AP2B1: variants seen among roughly 807,000 people sequenced by gnomAD.
AP2B1 encodes adaptor related protein complex 2 subunit beta 1.
A neutral mutation model predicts 102.0 loss-of-function variants in AP2B1; 23 were observed. That is an observed-to-expected ratio of 0.23 (90% CI 0.16 to 0.32). AP2B1 has a LOEUF of 0.32. AP2B1 is among the 10% of genes least tolerant of loss of function. AP2B1 has a pLI of 1.00. For synonymous variants in AP2B1, 381 were observed against 421.2 expected, an observed-to-expected ratio of 0.90 and a Z score of 1.17; for missense variants, 541 against 1,157.4, an observed-to-expected ratio of 0.47 and a Z score of 7.73.
chr17:35,636,826 T>G (rs1488516086), intron 10 of AP2B1, among the ~76,000 whole-genome samples: 2 of 152,238 alleles, frequency 1.3e-5, no homozygotes, highest in Non-Finnish European at 2.9e-5. Context: ...GCACCTTTTC[T>G]TCTCAGAAAT....
At chr17:35,604,424 T>G (rs1030111195) in intron 3 of AP2B1, among the ~76,000 whole-genome samples, 86 of 152,206 alleles carry the variant, frequency 5.7e-4, no homozygotes, top group African/African-American at 2.0e-3. Flanking sequence ...GTTTTTGTTT[T>G]TGTGTGTTTT....
At chr17:35,659,902 G>A (rs2142894223) in intron 14 of AP2B1, 1 of 985,372 alleles carries the variant, frequency 1.0e-6, no homozygotes, top group Non-Finnish European at 1.2e-6. Flanking sequence ...TTCACTCAGA[G>A]AATCAAGGTT....
At chr17:35,645,031 C>T (rs2142768532) in intron 12 of AP2B1, among the ~76,000 whole-genome samples, 1 of 147,680 alleles carries the variant, frequency 6.8e-6, no homozygotes, top group South Asian at 2.1e-4. Context: ...GACTCTGTCT[C>T]GGAAAAAAAA....
At chr17:35,645,929 A>G (rs2074920977) in intron 12 of AP2B1, among the ~76,000 whole-genome samples, 1 of 152,190 alleles carries the variant, frequency 6.6e-6, no homozygotes, top group Admixed American at 6.5e-5. Context: ...AGAAGTCTTC[A>G]TGTTTTTCTG....
At chr17:35,597,882 T>C (rs1339626134) in intron 2 of AP2B1, among the ~76,000 whole-genome samples, 3 of 152,212 alleles carry the variant, frequency 2.0e-5, no homozygotes, top group Non-Finnish European at 4.4e-5. Context: ...GTTTATGTTC[T>C]CCTCCAGACT....
intron 17 of AP2B1, among the ~76,000 whole-genome samples, chr17:35,676,523 A>T (rs1215792121): frequency 6.6e-6 from 1 of 151,784 alleles, no homozygotes; most frequent in African/African-American, 2.4e-5. Context: ...AAGTTGGGGG[A>T]GTTTGGTTGT....
chr17:35,655,907 A>G (rs2075208017), intron 13 of AP2B1, among the ~76,000 whole-genome samples: 1 of 152,278 alleles, frequency 6.6e-6, no homozygotes, highest in Admixed American at 6.5e-5. Context: ...GCACATTTTC[A>G]TGTTACTGTA....
chr17:35,593,408 G>A (rs1440981959), intron 1 of AP2B1, among the ~76,000 whole-genome samples: 1 of 150,770 alleles, frequency 6.6e-6, no homozygotes, highest in Admixed American at 6.7e-5. Flanking sequence ...AATATCTCAT[G>A]TACCTATACG....
intron 21 of AP2B1, among the ~76,000 whole-genome samples, chr17:35,720,569 ATATAT>A (rs2085345644): frequency 2.0e-5 from 1 of 50,362 alleles, no homozygotes; most frequent in African/African-American, 7.9e-5. Context: ...ATATATATAT[ATATAT>A]TTTTTTTTTT....
chr17:35,609,634 A>G (rs1567801611), intron 5 of AP2B1, among the ~76,000 whole-genome samples: 1 of 152,158 alleles, frequency 6.6e-6, no homozygotes, highest in Non-Finnish European at 1.5e-5. Flanking sequence ...TGTGTGAGCC[A>G]CCGCACCCAG....
chr17:35,661,054 A>G (rs560696612), intron 14 of AP2B1, among the ~76,000 whole-genome samples: 1 of 152,296 alleles, frequency 6.6e-6, no homozygotes, highest in East Asian at 1.9e-4. Context: ...CCAGGCCACT[A>G]GACTGTTGGT....
chr17:35,637,278 G>A (rs1259181813), intron 10 of AP2B1, among the ~76,000 whole-genome samples: 3 of 152,190 alleles, frequency 2.0e-5, no homozygotes, highest in Admixed American at 1.3e-4. Context: ...TCCGCCTCCC[G>A]GGTTCAAGTG....
intron 3 of AP2B1, 120 bp from the exon 4 acceptor site, chr17:35,605,585 A>G (rs1030181190): frequency 1.3e-6 from 1 of 749,254 alleles, no homozygotes; most frequent in Non-Finnish European, 2.2e-6. Flanking sequence ...GACAGTTACC[A>G]CTGTGGGGAC....
intron 14 of AP2B1, among the ~76,000 whole-genome samples, chr17:35,668,194 C>T (rs1306265072): frequency 6.6e-6 from 1 of 152,096 alleles, no homozygotes; most frequent in African/African-American, 2.4e-5. Context: ...GCCTCGGCTT[C>T]CCAAAGTGCT....
intron 14 of AP2B1, among the ~76,000 whole-genome samples, chr17:35,667,826 G>A (rs1053766386): frequency 1.2e-4 from 18 of 152,132 alleles, no homozygotes; most frequent in African/African-American, 3.9e-4. Context: ...AATAAGTTGC[G>A]GTGAGAGGGG....
In AP2B1 at chr17:35,652,956, T is replaced by A. The variant is rs575931298; in HGVS notation, c.1796+2167T>A. Among the ~76,000 whole-genome samples the A allele has an allele frequency of 1.2e-4, 19 of 152,346 alleles. No individual in the cohort carries two copies. The South Asian group carries it at 3.7e-3, about 30-fold the overall frequency. ...GTATGAAATCATTTCCCCTTTTTAC[T>A]TCTTTCTTAAAGCCTTTTCATCATG... On this transcript the variant is annotated intron_variant, in intron 13 of 21. Coordinates refer to ENST00000610402, the MANE Select transcript of AP2B1 (RefSeq NM_001030006.2).
intron 2 of AP2B1, among the ~76,000 whole-genome samples, chr17:35,597,443 A>G (rs552836290): frequency 3.9e-5 from 6 of 152,238 alleles, no homozygotes; most frequent in Non-Finnish European, 8.8e-5. Flanking sequence ...GAGCCTAAGC[A>G]GTCATTCAAG....
chr17:35,625,968 C>T (rs187912737), intron 6 of AP2B1, among the ~76,000 whole-genome samples: 1 of 152,096 alleles, frequency 6.6e-6, no homozygotes, highest in East Asian at 1.9e-4. Context: ...GAACCCTCAA[C>T]AGATAATTAA....
rs1025959533 is a variant in AP2B1 at position 35,597,060 on chromosome 17, G to C, written c.38-1170G>C. The C allele has an allele frequency of 2.1e-5, 12 of 571,900 alleles. No homozygotes were observed. The African/African-American group carries it at 2.3e-4, about 11-fold the overall frequency. 35.4% of individuals were successfully genotyped at this position (571,900 alleles called of 1,614,324 possible). Reference sequence around the variant, plus strand: ...CCCCGTTGTGGGGGCCGTGGCCGGGGGCGAAGGACCCCTGGGCGCCCCCGC... The same window carrying C: ...CCCCGTTGTGGGGGCCGTGGCCGGGCGCGAAGGACCCCTGGGCGCCCCCGC... On this transcript the variant is annotated intron_variant, in intron 2 of 21. Coordinates refer to ENST00000610402, the MANE Select transcript of AP2B1 (RefSeq NM_001030006.2).
Sources: gnomAD v4.1 joint callset for allele counts (sites outside exome capture counted in the v4.1 genomes callset) on GRCh38, gnomAD v4.1.1 for gene constraint, MANE v1.5 for transcripts, NCBI Gene and HGNC (gene_info 2026-07-23, HGNC 2026-07-21) for gene names.